Variants in EFL1 observed in about 807,000 individuals in gnomAD.
The protein encoded by EFL1 is elongation factor-like GTPase 1.
Under a neutral mutation model 126.7 loss-of-function variants are expected in EFL1, and 76 were observed. The observed-to-expected ratio is 0.60, with a 90% CI of 0.50 to 0.73. The LOEUF (loss-of-function observed/expected upper bound fraction) is 0.73, where lower values mean the gene tolerates loss of function less well. Among genes scored for constraint, EFL1 ranks in the 30% least tolerant of loss-of-function variants. The pLI is 0.00. For missense variants in EFL1, 1,128 were observed against 1,343.2 expected, an observed-to-expected ratio of 0.84 and a Z score of 2.50; for synonymous variants, 410 against 448.4, an observed-to-expected ratio of 0.91 and a Z score of 1.08.
intron 17 of EFL1, among the ~76,000 whole-genome samples, chr15:82,154,094 T>A (rs769496970): frequency 6.6e-6 from 1 of 152,160 alleles, no homozygotes; most frequent in Non-Finnish European, 1.5e-5. Context: ...AGAAGTCTCC[T>A]GTAGTAATCA....
chr15:82,194,166 A>G (rs2074386831), intron 15 of EFL1, among the ~76,000 whole-genome samples: 1 of 152,172 alleles, frequency 6.6e-6, no homozygotes, highest in South Asian at 2.1e-4. Flanking sequence ...CATTGGGCGG[A>G]CTGGATCTTC....
intron 11 of EFL1, among the ~76,000 whole-genome samples, chr15:82,227,026 A>G (rs895138521): frequency 4.6e-5 from 7 of 152,258 alleles, no homozygotes; most frequent in Non-Finnish European, 8.8e-5. Context: ...AAAACTGGCC[A>G]TTAGATTTAA....
At chr15:82,140,591 G>C (rs1190575441) in intron 18 of EFL1, among the ~76,000 whole-genome samples, 1 of 152,104 alleles carries the variant, frequency 6.6e-6, no homozygotes, top group African/African-American at 2.4e-5. Context: ...CTAATTTTAT[G>C]CTTGGGACTC....
chr15:82,190,146 T>C (rs1047086706), intron 15 of EFL1, among the ~76,000 whole-genome samples: 1 of 152,046 alleles, frequency 6.6e-6, no homozygotes, highest in African/African-American at 2.4e-5. Context: ...TTACTTTCCT[T>C]TGAGTTCTAT....
intron 3 of EFL1, among the ~76,000 whole-genome samples, chr15:82,256,324 T>C (rs898458689): frequency 4.3e-4 from 66 of 152,244 alleles, no homozygotes; most frequent in South Asian, 2.1e-4. Context: ...TAAATTACTG[T>C]ATATTACCTA....
intron 15 of EFL1, among the ~76,000 whole-genome samples, chr15:82,169,265 C>T (rs144204563): frequency 3.3e-5 from 5 of 152,254 alleles, no homozygotes; most frequent in Non-Finnish European, 7.3e-5. Flanking sequence ...AGAGGATCTA[C>T]CCAAAAAGGA....
Position 82,130,531 on chromosome 15 carries a change from T to A in EFL1, c.3205A>T (p.Thr1069Ser). 2 of 1,614,144 alleles carry A rather than the reference T, an allele frequency of 1.2e-6. No homozygotes were observed. The highest frequency in any genetic ancestry group is 1.7e-6 in the Non-Finnish European group (2 of 1,180,020). ...AAGTGCAAGTATTCCTCCTCAGTAG[T>A]TGGCACCCAGAAGGGGTCACTGGGA... ...IIPSDPFWVP[T>S]TEEEYLHFGE... The change falls in exon 20 of 20, where the codon ACT becomes TCT. Residue 1069 changes from threonine to serine, a missense_variant. Transcript: ENST00000268206.
chr15:82,238,747 GATT>G (rs1177182401), intron 6 of EFL1, among the ~76,000 whole-genome samples: 9 of 152,028 alleles, frequency 5.9e-5, no homozygotes, highest in South Asian at 2.1e-4. Flanking sequence ...GTTATTTTGT[GATT>G]ATTATTATTA....
chr15:82,177,955 G>C (rs2074211720), intron 15 of EFL1, among the ~76,000 whole-genome samples: 1 of 152,144 alleles, frequency 6.6e-6, no homozygotes, highest in Admixed American at 6.6e-5. Flanking sequence ...GAATGTGATG[G>C]TCTTGCATAT....
chr15:82,157,585 C>T, intron 17 of EFL1, 128 bp downstream of exon 17: 1 of 1,123,996 alleles, frequency 8.9e-7, no homozygotes, highest in Non-Finnish European at 1.2e-6. Flanking sequence ...CTGTTCATGT[C>T]TGAATTGAGG....
In EFL1 at chr15:82,134,478, A is replaced by C. The variant is rs1358235676; in HGVS notation, c.3175-3917T>G. ...GGGATGCCATTTTCTAATCATAAGA[A>C]GGCACCCAAGTGCAAACTGTTACCC... On this transcript the variant is annotated intron_variant, in intron 19 of 19. Coordinates refer to ENST00000268206, the MANE Select transcript of EFL1 (RefSeq NM_024580.6). 3.9e-5 allele frequency among the ~76,000 whole-genome samples: 6 copies of C among 152,340 alleles called. No homozygotes were observed. The East Asian group carries it at 1.2e-3, about 29-fold the overall frequency.
intron 18 of EFL1, among the ~76,000 whole-genome samples, chr15:82,142,318 C>T (rs1418889893): frequency 6.6e-6 from 1 of 152,128 alleles, no homozygotes; most frequent in African/African-American, 2.4e-5. Flanking sequence ...AAACAAGACC[C>T]TGTCTCTAAA....
intron 15 of EFL1, among the ~76,000 whole-genome samples, chr15:82,211,820 A>C (rs1041468526): frequency 6.6e-6 from 1 of 152,222 alleles, no homozygotes; most frequent in East Asian, 1.9e-4. Flanking sequence ...GTTTTAATGA[A>C]GCCATTAAAA....
At chr15:82,203,828 T>A (rs747708560) in intron 15 of EFL1, among the ~76,000 whole-genome samples, 3 of 152,242 alleles carry the variant, frequency 2.0e-5, no homozygotes, top group Non-Finnish European at 2.9e-5. Flanking sequence ...AATCTACTTA[T>A]CTATTCTTCT....
intron 7 of EFL1, among the ~76,000 whole-genome samples, chr15:82,237,087 G>A (rs1280820202): frequency 6.6e-6 from 1 of 152,298 alleles, no homozygotes; most frequent in Admixed American, 6.5e-5. Flanking sequence ...AGGTTGCAGT[G>A]AGCCAAGATT....
chr15:82,139,840 C>A (rs1414402491), intron 18 of EFL1, among the ~76,000 whole-genome samples: 2 of 152,200 alleles, frequency 1.3e-5, no homozygotes, highest in African/African-American at 4.8e-5. Context: ...GGACCCTTCT[C>A]TCCTAACTGC....
chr15:82,213,664 G>A (rs1190238543), intron 15 of EFL1, among the ~76,000 whole-genome samples: 1 of 152,136 alleles, frequency 6.6e-6, no homozygotes, highest in Non-Finnish European at 1.5e-5. Context: ...TTTAATTTGA[G>A]CAATACAGTA....
intron 15 of EFL1, among the ~76,000 whole-genome samples, chr15:82,170,176 G>A (rs918462778): frequency 8.9e-5 from 13 of 145,786 alleles, no homozygotes; most frequent in South Asian, 2.3e-4. Flanking sequence ...GTGCAGTGGC[G>A]GGATCTCGGC....
At chr15:82,143,926 C>T (rs1232316059) in intron 18 of EFL1, among the ~76,000 whole-genome samples, 1 of 152,008 alleles carries the variant, frequency 6.6e-6, no homozygotes, top group Non-Finnish European at 1.5e-5. Context: ...GATTTGAATT[C>T]CTGGGCTCAA....
Sources: allele counts gnomAD v4.1 joint callset (sites outside exome capture counted in the v4.1 genomes callset), GRCh38; gene constraint gnomAD v4.1.1; transcripts MANE v1.5; gene names NCBI Gene and HGNC (gene_info 2026-07-23, HGNC 2026-07-21).